The following USP10 variants were observed in gnomAD, a reference collection of about 807,000 sequenced individuals.
USP10 encodes the protein ubiquitin specific peptidase 10.
In USP10, 22 loss-of-function variants were observed where a neutral mutation model predicts 84.5. The observed-to-expected ratio is 0.26, with a 90% CI of 0.19 to 0.37. The LOEUF is 0.37. USP10 is among the 10% of genes least tolerant of loss of function. The pLI is 1.00. For missense variants in USP10, 1,019 were observed against 998.9 expected, an observed-to-expected ratio of 1.02 and a Z score of -0.27; for synonymous variants, 454 against 387.6, an observed-to-expected ratio of 1.17 and a Z score of -2.01.
chr16:84,701,887 A>G (rs1003492964), intron 1 of USP10, among the ~76,000 whole-genome samples: 4 of 150,572 alleles, frequency 2.7e-5, no homozygotes, highest in East Asian at 2.0e-4. Flanking sequence ...AAGTTTTAGC[A>G]TGGAGAAAGT....
chr16:84,777,487 G>A (rs1488262499), intron 13 of USP10, among the ~76,000 whole-genome samples: 4 of 152,208 alleles, frequency 2.6e-5, no homozygotes, highest in Non-Finnish European at 5.9e-5. Context: ...CCTTTCACAA[G>A]ATGGCTGTGA....
chr16:84,750,638 T>A (rs1282236171), intron 4 of USP10, among the ~76,000 whole-genome samples: 1 of 152,212 alleles, frequency 6.6e-6, no homozygotes, highest in Non-Finnish European at 1.5e-5. Flanking sequence ...ATTCCTCATA[T>A]ACTAGACGAA....
chr16:84,729,045 G>C (rs957458694), intron 1 of USP10, among the ~76,000 whole-genome samples: 1 of 152,028 alleles, frequency 6.6e-6, no homozygotes, highest in African/African-American at 2.4e-5. Flanking sequence ...TGATCTGCTC[G>C]CCTCGGCTTC....
intron 4 of USP10, among the ~76,000 whole-genome samples, chr16:84,753,612 C>T (rs1011418731): frequency 4.6e-5 from 7 of 152,208 alleles, no homozygotes; most frequent in Non-Finnish European, 1.0e-4. Flanking sequence ...CGCGAACCCC[C>T]GTCTTCCTGG....
chr16:84,743,052 A>G lies in USP10; in HGVS notation c.152-1581A>G, dbSNP rs531266738. 2.6e-5 allele frequency among the ~76,000 whole-genome samples: 4 copies of G among 152,332 alleles called. No homozygotes were observed. The South Asian group carries it at 6.2e-4, about 24-fold the overall frequency. ...TTCCGCCCCAGGCACACCCGTTTCA[A>G]TCTGGGGAGCCTTGACGGCCCCAGA... On this transcript the variant is annotated intron_variant, in intron 3 of 13. Coordinates refer to ENST00000219473, the MANE Select transcript of USP10 (RefSeq NM_005153.3).
At chr16:84,713,260 T>C (rs1312255069) in intron 1 of USP10, among the ~76,000 whole-genome samples, 2 of 152,228 alleles carry the variant, frequency 1.3e-5, no homozygotes, top group Non-Finnish European at 2.9e-5. Flanking sequence ...GAACACATTG[T>C]CTGTCCCCGA....
intron 11 of USP10, among the ~76,000 whole-genome samples, chr16:84,769,583 T>TTGGC (rs71384836): frequency 0.78 from 117,419 of 151,468 alleles, 45,626 homozygotes; most frequent in Non-Finnish European, 0.82. Flanking sequence ...CAGTTGTGCA[T>TTGGC]TGTGGGTGAC....
chr16:84,722,114 T>G (rs1907891496), intron 1 of USP10, among the ~76,000 whole-genome samples: 1 of 152,244 alleles, frequency 6.6e-6, no homozygotes, highest in African/African-American at 2.4e-5. Context: ...ATCCCCACCT[T>G]GTCCAGGCAG....
At chr16:84,759,751 G>A in intron 6 of USP10, 140 bp from the exon 7 acceptor site, 1 of 865,976 alleles carries the variant, frequency 1.2e-6, no homozygotes, top group Non-Finnish European at 1.8e-6. Flanking sequence ...AGAGACTTGA[G>A]TTCACTAGCT....
chr16:84,723,015 G>C (rs1158607803), intron 1 of USP10, among the ~76,000 whole-genome samples: 2 of 152,152 alleles, frequency 1.3e-5, no homozygotes, highest in Non-Finnish European at 2.9e-5. Context: ...GAGGGACCAA[G>C]AAATACAGGA....
chr16:84,750,250 A>G (rs1911759766), intron 4 of USP10, among the ~76,000 whole-genome samples: 1 of 152,124 alleles, frequency 6.6e-6, no homozygotes, highest in Admixed American at 6.5e-5. Flanking sequence ...TTTACTAAAA[A>G]TAAAAAAATT....
At chr16:84,737,537 C>G (rs879423049) in intron 2 of USP10, among the ~76,000 whole-genome samples, 4 of 152,164 alleles carry the variant, frequency 2.6e-5, no homozygotes, top group Non-Finnish European at 5.9e-5. Flanking sequence ...TTCCACAGTG[C>G]CACAACCCAT....
At chr16:84,762,785 T>A (rs933511108) in intron 8 of USP10, among the ~76,000 whole-genome samples, 2 of 152,108 alleles carry the variant, frequency 1.3e-5, no homozygotes, top group South Asian at 2.1e-4. Flanking sequence ...TTTAGAGATA[T>A]GTGTTTAGTC....
intron 1 of USP10, among the ~76,000 whole-genome samples, chr16:84,700,987 C>A (rs927290007): frequency 6.6e-6 from 1 of 152,124 alleles, no homozygotes. Flanking sequence ...TTGCTTTAGA[C>A]TGCTAATTTG....
chr16:84,760,301 G>A, intron 8 of USP10, 26 bp downstream of exon 8: 2 of 1,562,640 alleles, frequency 1.3e-6, no homozygotes, highest in Non-Finnish European at 1.7e-6. Context: ...GTTGTCACTA[G>A]TATCAAGTGT....
intron 1 of USP10, among the ~76,000 whole-genome samples, chr16:84,706,503 T>C (rs1403982235): frequency 1.4e-5 from 2 of 147,822 alleles, no homozygotes; most frequent in Non-Finnish European, 3.0e-5. Flanking sequence ...TGTATATGTA[T>C]TTATATTTAT....
At chr16:84,774,243 A>G (rs1914743364) in intron 12 of USP10, among the ~76,000 whole-genome samples, 1 of 151,878 alleles carries the variant, frequency 6.6e-6, no homozygotes, top group South Asian at 2.1e-4. Context: ...ACTCCATCTC[A>G]AAAAAATAAA....
intron 1 of USP10, chr16:84,704,801 T>C: frequency 6.5e-7 from 1 of 1,535,700 alleles, no homozygotes; most frequent in Non-Finnish European, 8.7e-7. Flanking sequence ...CTACCAGCAC[T>C]GCCATTCTGT....
At chr16:84,749,902 C>T (rs1911703420) in intron 4 of USP10, among the ~76,000 whole-genome samples, 1 of 152,144 alleles carries the variant, frequency 6.6e-6, no homozygotes, top group African/African-American at 2.4e-5. Context: ...GTTCCATTGG[C>T]TGTTTTTCAA....
Sources: allele counts gnomAD v4.1 joint callset (sites outside exome capture counted in the v4.1 genomes callset), GRCh38; gene constraint gnomAD v4.1.1; transcripts MANE v1.5; gene names NCBI Gene and HGNC (gene_info 2026-07-23, HGNC 2026-07-21).